Variants in B3GALT2 observed in about 807,000 individuals in gnomAD.
B3GALT2 encodes the protein UDP-Gal:betaGlcNAc beta 1,3-galactosyltransferase, polypeptide 2.
Under a neutral mutation model 33.5 loss-of-function variants are expected in B3GALT2, and 13 were observed. The ratio of observed to expected loss-of-function variants is 0.39; its 90% CI spans 0.25 to 0.62. B3GALT2 has a LOEUF of 0.62. Among genes scored for constraint, B3GALT2 ranks in the 20% least tolerant of loss-of-function variants. The pLI is 0.53. For missense variants in B3GALT2, 418 were observed against 509.1 expected, an observed-to-expected ratio of 0.82 and a Z score of 1.72; for synonymous variants, 195 against 172.7, an observed-to-expected ratio of 1.13 and a Z score of -1.01.
Position 193,181,667 on chromosome 1 carries a change from C to A in B3GALT2, c.-105G>T. On this transcript the variant is annotated 5_prime_UTR_variant, in exon 2 of 2. Coordinates refer to ENST00000367434, the MANE Select transcript of B3GALT2 (RefSeq NM_003783.3). ...TCATTTTCTAATTCAGTCACATTGT[C>A]TCTCTTGTAGTCATTCTATAAAAAT... 1.8e-6 allele frequency: 2 copies of A among 1,096,830 alleles called. No individual in the cohort carries two copies. Among genetic ancestry groups the A allele is most frequent in the Non-Finnish European group, 1.3e-6 (1 of 768,374 alleles). 67.9% of individuals were successfully genotyped at this position (1,096,830 alleles called of 1,614,324 possible).
rs143591210 is a variant in B3GALT2 at position 193,184,796 on chromosome 1, A to G, written c.-121+1223T>C. On this transcript the variant is annotated intron_variant, in intron 1 of 1. Transcript: ENST00000367434. ...ATTAGAATAAAAATTCATGGGTGAG[A>G]GTGATGTTGAGGTGTAATAGAGTCT... Among the ~76,000 whole-genome samples the G allele has an allele frequency of 2.0e-3, 301 of 152,002 alleles. 1 individual carries two copies. Among genetic ancestry groups the G allele is most frequent in the African/African-American group, 6.9e-3 (287 of 41,528 alleles).
Position 193,180,109 on chromosome 1 carries a change from A to T in B3GALT2, c.*185T>A, listed in dbSNP as rs564242127. ...TTTTTTAAATAGATTGTTTTGGGAA[A>T]CCTTTTTTGTTATATAATGTTATAG... On this transcript the variant is annotated 3_prime_UTR_variant, in exon 2 of 2. Transcript: ENST00000367434. 1 of 499,834 alleles carries T rather than the reference A, an allele frequency of 2.0e-6. No individual in the cohort carries two copies. Among genetic ancestry groups the T allele is most frequent in the African/African-American group, 2.0e-5 (1 of 49,840 alleles). The allele number at this position is 499,834 out of a possible 1,614,324, so 31.0% of individuals were successfully genotyped here.
rs553644947 is a variant in B3GALT2, at chr1:193,186,080, C to A, written c.-182G>T. On this transcript the variant is annotated 5_prime_UTR_variant, in exon 1 of 2. Coordinates refer to ENST00000367434, the MANE Select transcript of B3GALT2 (RefSeq NM_003783.3). ...GCCCACTGAAAATACTTTTGGCACG[C>A]CATCACTTCAGCAAAAAAGATGCTA... 2.6e-5 allele frequency: 4 copies of A among 152,924 alleles called. No individual in the cohort carries two copies. The East Asian group carries it at 7.7e-4, about 30-fold the overall frequency. The allele number at this position is 152,924 out of a possible 1,614,324, so 9.5% of individuals were successfully genotyped here. A position where few individuals can be genotyped will look rare whatever the true frequency, so the allele number is the denominator to read the frequency against.
chr1:193,180,137 T>G lies in B3GALT2; in HGVS notation c.*157A>C, dbSNP rs1272071513. ...TTTTTTGTTATATAATGTTATAGTT[T>G]TAAGAATTAACTTCTTCAGAAATTA... is the stretch of plus-strand genomic sequence containing the variant. On this transcript the variant is annotated 3_prime_UTR_variant, in exon 2 of 2. Transcript: ENST00000367434. 1 of 650,808 alleles carries G rather than the reference T, an allele frequency of 1.5e-6. No individual in the cohort carries two copies. The highest frequency in any genetic ancestry group is 3.1e-5 in the East Asian group (1 of 31,976). The allele number at this position is 650,808 out of a possible 1,614,324, so 40.3% of individuals were successfully genotyped here. A position where few individuals can be genotyped will look rare whatever the true frequency, so the allele number is the denominator to read the frequency against.
chr1:193,184,316 CCTG>C (rs1676769057), intron 1 of B3GALT2, among the ~76,000 whole-genome samples: 2 of 151,762 alleles, frequency 1.3e-5, no homozygotes. Context: ...AATAACCATG[CCTG>C]CTTTTTATTA....
At chr1:193,183,798 T>C (rs911923571) in intron 1 of B3GALT2, among the ~76,000 whole-genome samples, 1 of 152,036 alleles carries the variant, frequency 6.6e-6, no homozygotes, top group East Asian at 1.9e-4. Flanking sequence ...AGATAAGTTA[T>C]CTGTTTTCTG....
rs757990774 is a variant in B3GALT2, at chr1:193,180,474, C to T, written c.1089G>A (p.Val363=). 2 of 1,613,886 alleles carry T rather than the reference C, an allele frequency of 1.2e-6. No homozygotes were observed. Among genetic ancestry groups the T allele is most frequent in the Non-Finnish European group, 1.7e-6 (2 of 1,179,926 alleles). The change falls in exon 2 of 2, where the codon GTG becomes GTA. Residue 363 remains valine, a synonymous_variant. Coordinates refer to ENST00000367434, the MANE Select transcript of B3GALT2 (RefSeq NM_003783.3). Reference sequence around the variant, plus strand: ...AATAAGAGACTCGCCAGTGATTGAACACAAACTCATTGGGAGGGGGTACAG... The same window carrying T: ...AATAAGAGACTCGCCAGTGATTGAATACAAACTCATTGGGAGGGGGTACAG... ...IDPVPPPNEF[V]FNHWRVSYSS... is the part of the protein sequence containing the mutation.
intron 1 of B3GALT2, among the ~76,000 whole-genome samples, chr1:193,185,729 T>G (rs569267223): frequency 6.6e-6 from 1 of 152,278 alleles, no homozygotes; most frequent in East Asian, 1.9e-4. Context: ...CTACAGATTT[T>G]TTTTTAAGTT....
rs972701676 is a variant in B3GALT2, at chr1:193,178,910, C to G, written c.*1384G>C. On this transcript the variant is annotated 3_prime_UTR_variant, in exon 2 of 2. Coordinates refer to ENST00000367434, the MANE Select transcript of B3GALT2 (RefSeq NM_003783.3). ...TTATTAGAATTAAGAAACATTCTGA[C>G]TAAATTAAGATTGACAGATTTACAT... 6.6e-6 allele frequency: 1 copy of G among 152,026 alleles called. No individual in the cohort carries two copies. The highest frequency in any genetic ancestry group is 1.5e-5 in the Non-Finnish European group (1 of 67,988). The allele number at this position is 152,026 out of a possible 1,614,324, so 9.4% of individuals were successfully genotyped here. A position where few individuals can be genotyped will look rare whatever the true frequency, so the allele number is the denominator to read the frequency against.
At position 193,180,282 on chromosome 1, in the gene B3GALT2, A is replaced by C. The variant is rs767404810; in HGVS notation, c.*12T>G. On this transcript the variant is annotated 3_prime_UTR_variant, in exon 2 of 2. Transcript: ENST00000367434. ...ATTTACAAATTGCACATTTGAAAAA[A>C]AATTGTCTTTTCTAATGTAGTTTAC... The C allele has an allele frequency of 1.3e-6, 2 of 1,535,002 alleles. No homozygotes were observed. Among genetic ancestry groups the C allele is most frequent in the Non-Finnish European group, 8.8e-7 (1 of 1,142,652 alleles).
Position 193,181,493 on chromosome 1 carries a change from G to A in B3GALT2, c.70C>T (p.Arg24Cys), listed in dbSNP as rs755747116. 6.2e-6 allele frequency: 10 copies of A among 1,612,974 alleles called. No individual in the cohort carries two copies. Among genetic ancestry groups the A allele is most frequent in the Non-Finnish European group, 5.1e-6 (6 of 1,179,656 alleles). The change falls in exon 2 of 2, where the codon CGC becomes TGC. Residue 24 changes from arginine to cysteine, a missense_variant. Transcript: ENST00000367434. The stretch of plus-strand genomic sequence containing the variant: ...GAAAGTACTCCAATAAGATGAGTGC[G>A]GAACAGAGACCTTTTGGCATTCCAG... ...MTWNAKRSLF[R>C]THLIGVLSLV...
intron 1 of B3GALT2, among the ~76,000 whole-genome samples, chr1:193,182,277 A>T (rs908633171): frequency 5.9e-5 from 9 of 152,174 alleles, no homozygotes; most frequent in African/African-American, 1.9e-4. Context: ...TTCAGGGTCT[A>T]GTAACTTCAG....
In B3GALT2 at chr1:193,179,427, G is replaced by A. The variant is rs185738888; in HGVS notation, c.*867C>T. The stretch of plus-strand genomic sequence containing the variant: ...GCCTTTAAGTGATTACTTTTGCTTC[G>A]ATTATCTTTACAGATATATTCGAAG... On this transcript the variant is annotated 3_prime_UTR_variant, in exon 2 of 2. Coordinates refer to ENST00000367434, the MANE Select transcript of B3GALT2 (RefSeq NM_003783.3). 6.6e-6 allele frequency: 1 copy of A among 152,622 alleles called. No individual in the cohort carries two copies. 9.5% of individuals were successfully genotyped at this position (152,622 alleles called of 1,614,324 possible). A position where few individuals can be genotyped will look rare whatever the true frequency, so the allele number is the denominator to read the frequency against.
Position 193,180,845 on chromosome 1 carries a change from T to TTGCAAC in B3GALT2, c.712_717dup (p.Val238_Ala239dup). 6.2e-7 allele frequency: 1 copy of TTGCAAC among 1,614,026 alleles called. No individual in the cohort carries two copies. Among genetic ancestry groups the TTGCAAC allele is most frequent in the Non-Finnish European group, 8.5e-7 (1 of 1,179,934 alleles). On this transcript the variant is annotated inframe_insertion, in exon 2 of 2. Coordinates refer to ENST00000367434, the MANE Select transcript of B3GALT2 (RefSeq NM_003783.3). Reference sequence around the variant, plus strand: ...ACATATGGAATATGTGGACAGTATGTTGCAACCCAGTTCATGCCCATTAGT... The same window carrying TTGCAAC: ...ACATATGGAATATGTGGACAGTATGTTGCAACTGCAACCCAGTTCATGCCCATTAGT...
chr1:193,180,539 C>T lies in B3GALT2; in HGVS notation c.1024G>A (p.Val342Ile), dbSNP rs1558300926. ...LGIRRLHLED[V>I]YVGICLAKLR... The stretch of plus-strand genomic sequence containing the variant: ...TTGGCAAGACAGATCCCTACATATA[C>T]ATCTTCCAAGTGCAAACGGCGGATA... Residue 342 changes from valine to isoleucine, a missense_variant, in exon 2 of 2, where the codon GTA (valine) becomes ATA (isoleucine). Physicochemically the swap from Val to Ile is conservative, Grantham distance 29. Coordinates refer to ENST00000367434, the MANE Select transcript of B3GALT2 (RefSeq NM_003783.3). 6.2e-7 allele frequency: 1 copy of T among 1,614,090 alleles called. No homozygotes were observed.
chr1:193,180,617 C>T lies in B3GALT2; in HGVS notation c.946G>A (p.Gly316Ser). Reference sequence around the variant, plus strand: ...GCCAGATCTCCAGAAAAAACATAACCAGTTCCAGAACAGAAGACAGGATAA... The same window carrying T: ...GCCAGATCTCCAGAAAAAACATAACTAGTTCCAGAACAGAAGACAGGATAA... ...ERYPVFCSGT[G>S]YVFSGDLAEK... Residue 316 changes from glycine (G) to serine (S), a missense_variant, in exon 2 of 2, where the codon GGT (glycine) becomes AGT (serine). Coordinates refer to ENST00000367434, the MANE Select transcript of B3GALT2 (RefSeq NM_003783.3). 1 of 1,614,064 alleles carries T rather than the reference C, an allele frequency of 6.2e-7. No individual in the cohort carries two copies.
In B3GALT2 at chr1:193,181,051, C is replaced by T. The variant is rs1253584043; in HGVS notation, c.512G>A (p.Arg171Gln). The T allele has an allele frequency of 1.2e-6, 2 of 1,613,812 alleles. No individual in the cohort carries two copies. Among genetic ancestry groups the T allele is most frequent in the Non-Finnish European group, 1.7e-6 (2 of 1,179,942 alleles). The change falls in exon 2 of 2, where the codon CGG (arginine) becomes CAG (glutamine). Residue 171 changes from arginine to glutamine, a missense_variant. Arg to Gln is a conservative substitution (Grantham distance 43). Around this residue, in one of 3 missense-constraint regions of B3GALT2, gnomAD observed 4 missense variants for 17.7 expected, o/e 0.23. Coordinates refer to ENST00000367434, the MANE Select transcript of B3GALT2 (RefSeq NM_003783.3). Reference protein sequence around the residue: ...PGQIEARRAIRQTWGNESLAP... With the variant: ...PGQIEARRAIQQTWGNESLAP... ...TAGACTTTCATTGCCCCAAGTTTGC[C>T]GAATAGCTCTTCTAGCTTCTATTTG...
chr1:193,181,347 A>G lies in B3GALT2; in HGVS notation c.216T>C (p.Ser72=). 6.2e-7 allele frequency: 1 copy of G among 1,614,022 alleles called. No homozygotes were observed. The highest frequency in any genetic ancestry group is 8.5e-7 in the Non-Finnish European group (1 of 1,179,946). ...YTFRGFRSTK[S]ETNHSSLRNI... ...TCCGAAGGGAGCTGTGGTTTGTCTC[A>G]CTTTTTGTTGACCGAAATCCTCGGA... is the stretch of plus-strand genomic sequence containing the variant. Residue 72 remains serine (S), a synonymous_variant, in exon 2 of 2, where the codon AGT becomes AGC. Transcript: ENST00000367434.
In B3GALT2 at chr1:193,180,491, G is replaced by C. The variant is rs1213591905; in HGVS notation, c.1072C>G (p.Pro358Ala). The part of the protein sequence containing the change: ...LAKLRIDPVP[P>A]PNEFVFNHWR... ...TGATTGAACACAAACTCATTGGGAG[G>C]GGGTACAGGATCAATTCTCAACTTG... is the stretch of plus-strand genomic sequence containing the variant. Residue 358 changes from proline to alanine, a missense_variant, in exon 2 of 2, where the codon CCT becomes GCT. Transcript: ENST00000367434. 1 of 1,613,950 alleles carries C rather than the reference G, an allele frequency of 6.2e-7. No homozygotes were observed. The highest frequency in any genetic ancestry group is 8.5e-7 in the Non-Finnish European group (1 of 1,179,914).
Sources: allele counts gnomAD v4.1 joint callset (sites outside exome capture counted in the v4.1 genomes callset), GRCh38; gene constraint gnomAD v4.1.1; regional missense constraint gnomAD v4.1.1; transcripts MANE v1.5; gene names NCBI Gene and HGNC (gene_info 2026-07-23, HGNC 2026-07-21).